IFT122: variants seen among roughly 807,000 people sequenced by gnomAD.
The protein encoded by IFT122 is intraflagellar transport 122.
IFT122 carries 118 observed loss-of-function variants against 161.6 expected under a neutral mutation model. The ratio of observed to expected loss-of-function variants is 0.73; its 90% CI spans 0.63 to 0.85. The LOEUF (loss-of-function observed/expected upper bound fraction) is 0.85, where lower values mean the gene tolerates loss of function less well. IFT122 is among the 40% of genes least tolerant of loss of function. IFT122 has a pLI of 0.00. For synonymous variants in IFT122, 550 were observed against 602.4 expected, an observed-to-expected ratio of 0.91 and a Z score of 1.27; for missense variants, 1,381 against 1,579.6, an observed-to-expected ratio of 0.87 and a Z score of 2.13.
intron 4 of IFT122, among the ~76,000 whole-genome samples, chr3:129,459,999 G>T (rs957706264): frequency 6.6e-6 from 1 of 151,836 alleles, no homozygotes; most frequent in Non-Finnish European, 1.5e-5. Context: ...CTGGGCTCAA[G>T]CAGTCCTCTC....
At chr3:129,450,698 G>T (rs887675949) in intron 2 of IFT122, among the ~76,000 whole-genome samples, 1 of 147,872 alleles carries the variant, frequency 6.8e-6, no homozygotes, top group Non-Finnish European at 1.5e-5. Context: ...TTTCTCAGAT[G>T]GTGTGTGTGT....
intron 1 of IFT122, among the ~76,000 whole-genome samples, chr3:129,441,483 A>G (rs1387605770): frequency 6.6e-6 from 1 of 151,996 alleles, no homozygotes; most frequent in Admixed American, 6.6e-5. Context: ...CCTCTATTTT[A>G]TGTATGAGGA....
In IFT122 at chr3:129,514,451, A is replaced by T; in HGVS notation, c.3050A>T (p.His1017Leu). The change falls in exon 25 of 30, where the codon CAC (histidine) becomes CTC (leucine). Residue 1017 changes from histidine to leucine, a missense_variant. His to Leu is a moderately conservative substitution (Grantham distance 99, BLOSUM62 -3). Coordinates refer to ENST00000348417, the MANE Select transcript of IFT122 (RefSeq NM_052989.3). ...CTCGGTGCCTACAGGCTGGCCCGGC[A>T]CGCCTATGACAAGCTGCGTGGCCTG... The part of the protein sequence containing the change: ...KALGAYRLAR[H>L]AYDKLRGLYI... The T allele has an allele frequency of 6.2e-7, 1 of 1,614,156 alleles. No individual in the cohort carries two copies. The highest frequency in any genetic ancestry group is 8.5e-7 in the Non-Finnish European group (1 of 1,180,022).
intron 15 of IFT122, among the ~76,000 whole-genome samples, chr3:129,487,249 G>A (rs1329702515): frequency 6.6e-6 from 1 of 152,210 alleles, no homozygotes; most frequent in African/African-American, 2.4e-5. Flanking sequence ...AAGATGTCAT[G>A]GCCCAACTCA....
chr3:129,480,442 C>T (rs775994438), intron 13 of IFT122, among the ~76,000 whole-genome samples: 34 of 152,308 alleles, frequency 2.2e-4, no homozygotes, highest in Non-Finnish European at 3.7e-4. Context: ...CATGTGTACA[C>T]GTGTGTTCTT....
At chr3:129,454,633 T>C (rs1234544722) in intron 3 of IFT122, among the ~76,000 whole-genome samples, 1 of 151,844 alleles carries the variant, frequency 6.6e-6, no homozygotes, top group Non-Finnish European at 1.5e-5. Flanking sequence ...GAACTGTTTC[T>C]GTCTCATCCT....
intron 23 of IFT122, 93 bp from the exon 24 acceptor site, chr3:129,512,219 A>T: frequency 1.2e-6 from 1 of 864,846 alleles, no homozygotes; most frequent in South Asian, 1.3e-5. Flanking sequence ...GCTCTTGTTG[A>T]TGTCACTCAG....
At position 129,517,457 on chromosome 3, in the gene IFT122, T is replaced by C. The variant is rs1440682356; in HGVS notation, c.3266-12T>C. 1 of 1,613,020 alleles carries C rather than the reference T, an allele frequency of 6.2e-7. No individual in the cohort carries two copies. The highest frequency in any genetic ancestry group is 1.1e-5 in the South Asian group (1 of 91,028). Reference sequence around the variant, plus strand: ...CCTCCAGCCCCCTCAGCCCTTTCTCTATGCCCTCCAGACGTGCTACACCTG... The same window carrying C: ...CCTCCAGCCCCCTCAGCCCTTTCTCCATGCCCTCCAGACGTGCTACACCTG... On this transcript the variant is annotated splice_polypyrimidine_tract_variant and intron_variant, in intron 26 of 29. Transcript: ENST00000348417.
At chr3:129,491,795 G>C (rs56757509) in intron 16 of IFT122, among the ~76,000 whole-genome samples, 20,171 of 152,078 alleles carry the variant, frequency 0.13, 1,715 homozygotes, top group South Asian at 0.24. Context: ...GTGATGCTGC[G>C]TGACCCCCCA....
chr3:129,451,713 G>C (rs2074875772), intron 2 of IFT122, among the ~76,000 whole-genome samples: 2 of 152,174 alleles, frequency 1.3e-5, no homozygotes, highest in Non-Finnish European at 2.9e-5. Flanking sequence ...TGGTCACATA[G>C]TACATAGACC....
At chr3:129,515,772 G>A (rs892701879) in intron 26 of IFT122, among the ~76,000 whole-genome samples, 173 bp downstream of exon 26, 1 of 152,138 alleles carries the variant, frequency 6.6e-6, no homozygotes. Context: ...GTCACTGTCG[G>A]TGTTCCCAGA....
At position 129,449,014 on chromosome 3, in the gene IFT122, A is replaced by G. The variant is rs59956424; in HGVS notation, c.42-857A>G. ...GCGCCAGGCCTCAGCTTGCCTATCT[A>G]TGTTTGCAGCTCGATTTTTCAGGCT... On this transcript the variant is annotated intron_variant, in intron 1 of 29. Transcript: ENST00000348417. Among the ~76,000 whole-genome samples the G allele has an allele frequency of 2.3e-3, 351 of 152,212 alleles. 2 individuals carry two copies. The highest frequency in any genetic ancestry group is 7.9e-3 in the African/African-American group (327 of 41,538).
chr3:129,462,488 G>A (rs532948066), intron 5 of IFT122, among the ~76,000 whole-genome samples: 1 of 152,186 alleles, frequency 6.6e-6, no homozygotes, highest in African/African-American at 2.4e-5. Context: ...AGGAACCAGG[G>A]CTTGGACTTT....
At chr3:129,504,852 T>G (rs573920497) in intron 21 of IFT122, among the ~76,000 whole-genome samples, 1 of 152,322 alleles carries the variant, frequency 6.6e-6, no homozygotes, top group East Asian at 1.9e-4. Context: ...GGAGGTAATG[T>G]GAGCCAGGGT....
chr3:129,473,368 T>C (rs929450325), intron 9 of IFT122, among the ~76,000 whole-genome samples: 10 of 152,260 alleles, frequency 6.6e-5, no homozygotes, highest in Non-Finnish European at 1.5e-5. Context: ...ATTGATTTTT[T>C]TCCCTTGAAT....
chr3:129,518,119 A>G (rs557882787), intron 27 of IFT122, among the ~76,000 whole-genome samples: 3 of 152,336 alleles, frequency 2.0e-5, no homozygotes, highest in South Asian at 4.1e-4. Flanking sequence ...CCTCTGGGCA[A>G]CTTCATTCTT....
chr3:129,480,532 C>T (rs1280651567), intron 13 of IFT122, among the ~76,000 whole-genome samples: 1 of 152,230 alleles, frequency 6.6e-6, no homozygotes, highest in East Asian at 1.9e-4. Flanking sequence ...AGCCTGACAG[C>T]CAAGCTGTGC....
intron 19 of IFT122, 99 bp from the exon 20 acceptor site, chr3:129,502,610 TGG>T (rs1199279761): frequency 8.7e-5 from 117 of 1,340,748 alleles, no homozygotes; most frequent in Middle Eastern, 1.8e-4. Context: ...CCATGGGCCA[TGG>T]CATAGTATCA....
intron 15 of IFT122, among the ~76,000 whole-genome samples, chr3:129,485,952 T>C (rs1297285429): frequency 1.3e-5 from 2 of 152,206 alleles, no homozygotes; most frequent in Non-Finnish European, 2.9e-5. Flanking sequence ...GTCTTGGAAT[T>C]TTTGGTTGCC....
Sources: allele counts gnomAD v4.1 joint callset (sites outside exome capture counted in the v4.1 genomes callset), GRCh38; gene constraint gnomAD v4.1.1; transcripts MANE v1.5; gene names NCBI Gene and HGNC (gene_info 2026-07-23, HGNC 2026-07-21).